PCDHA4: variants seen among roughly 807,000 people sequenced by gnomAD.
PCDHA4 encodes protocadherin alpha 4.
A neutral mutation model predicts 61.4 loss-of-function variants in PCDHA4; 49 were observed. The ratio of observed to expected loss-of-function variants is 0.80; its 90% confidence interval spans 0.63 to 1.01. The LOEUF (loss-of-function observed/expected upper bound fraction) is 1.01, where lower values mean the gene tolerates loss of function less well. Ranked by LOEUF, PCDHA4 falls within the 50% of genes least tolerant of loss-of-function variation. The probability of loss-of-function intolerance (pLI) is 0.00; values close to 1 mark genes in which losing one functional copy is unlikely to be tolerated. For missense variants in PCDHA4, 1,254 were observed against 1,235.8 expected (o/e 1.01, Z -0.22); for synonymous variants, 590 against 550.3 (o/e 1.07, Z -1.01).
chr5:140,840,076 AG>A (rs1237018170), intron 1 of PCDHA4, among the ~76,000 whole-genome samples: 2 of 152,044 alleles, frequency 1.3e-5, no homozygotes, highest in Non-Finnish European at 2.9e-5. Context: ...GTCAATAGAA[AG>A]ATAAACTTGT....
At chr5:140,831,563 A>G (rs2150196275) in intron 1 of PCDHA4, among the ~76,000 whole-genome samples, 6 of 126,944 alleles carry the variant, frequency 4.7e-5, no homozygotes, top group Admixed American at 4.6e-4. Context: ...GGGTTTCTCC[A>G]TGTTGCCCAG....
Position 140,850,429 on chromosome 5 carries a change from A to T in PCDHA4, c.2385+40857A>T. The T allele has an allele frequency of 1.3e-6, 2 of 1,597,934 alleles. 1 individual carries two copies. Among genetic ancestry groups the T allele is most frequent in the Middle Eastern group, 3.3e-4 (2 of 5,994 alleles). ...CTGGACGAAACGGACGCACCGCGCC[A>T]GCGCCTACTGGTGCTGGTGAAAGAC... On this transcript the variant is annotated intron_variant, in intron 1 of 3. Coordinates refer to ENST00000530339, the MANE Select transcript of PCDHA4 (RefSeq NM_018907.4).
chr5:140,869,570 G>A, intron 1 of PCDHA4: 1 of 1,614,148 alleles, frequency 6.2e-7, no homozygotes. Flanking sequence ...CCACTAGAGG[G>A]AGCTTCTGAT....
intron 1 of PCDHA4, among the ~76,000 whole-genome samples, chr5:140,973,570 T>C (rs1211629419): frequency 6.6e-6 from 1 of 152,232 alleles, no homozygotes; most frequent in Non-Finnish European, 1.5e-5. Flanking sequence ...CCTCAATTTT[T>C]CTACAGACTG....
intron 1 of PCDHA4, chr5:140,877,218 G>T: frequency 1.2e-6 from 2 of 1,613,726 alleles, no homozygotes; most frequent in South Asian, 1.1e-5. Context: ...AGTTGGTACC[G>T]CGGTCGGTGG....
intron 1 of PCDHA4, chr5:140,967,690 C>G (rs782694266): frequency 6.2e-7 from 1 of 1,614,190 alleles, no homozygotes; most frequent in Non-Finnish European, 8.5e-7. Flanking sequence ...GGCAGCTCTT[C>G]AGCATAGATG....
chr5:140,952,327 A>G (rs1407008388), intron 1 of PCDHA4, among the ~76,000 whole-genome samples: 2 of 134,678 alleles, frequency 1.5e-5, no homozygotes, highest in Non-Finnish European at 1.6e-5. Flanking sequence ...AACAAGAGTG[A>G]AACTCCATCT....
At chr5:140,963,220 G>A (rs2095749091) in intron 1 of PCDHA4, among the ~76,000 whole-genome samples, 2 of 152,122 alleles carry the variant, frequency 1.3e-5, no homozygotes, top group East Asian at 1.9e-4. Flanking sequence ...CGTGTTTAGA[G>A]TAGACACTGT....
intron 1 of PCDHA4, among the ~76,000 whole-genome samples, chr5:140,839,079 C>T (rs1224426346): frequency 1.3e-5 from 2 of 151,864 alleles, no homozygotes; most frequent in African/African-American, 2.4e-5. Context: ...AGTCAAAAAC[C>T]TGTCTGATAA....
At position 140,807,548 on chromosome 5, in the gene PCDHA4, G is replaced by C; in HGVS notation, c.361G>C (p.Val121Leu). The C allele has an allele frequency of 1.2e-6, 2 of 1,614,176 alleles. No homozygotes were observed. The highest frequency in any genetic ancestry group is 1.3e-5 in the African/African-American group (1 of 75,050). ...GCCGCTGCAGGTTTTCCATGTGGAC[G>C]TGGAGGTGAGGGACATTAACGATAA... ...DRPLQVFHVD[V>L]EVRDINDNPP... Residue 121 changes from valine (V) to leucine (L), a missense_variant, in exon 1 of 4, where the codon GTG becomes CTG. Transcript: ENST00000530339.
intron 1 of PCDHA4, chr5:140,876,989 G>T (rs781957201): frequency 1.2e-6 from 2 of 1,612,664 alleles, no homozygotes; most frequent in South Asian, 1.1e-5. Context: ...GCACTGTCGA[G>T]CTACGTGTCG....
rs528840085 is a variant in PCDHA4 at position 140,876,225 on chromosome 5, GT to G, written c.2385+66654del. 8.8e-5 allele frequency: 142 copies of G among 1,613,982 alleles called. No homozygotes were observed. The African/African-American group carries it at 1.7e-3, about 20-fold the overall frequency. The stretch of plus-strand genomic sequence containing the variant: ...ATAAGCCCAGCTATAAAGTAGTGTT[GT>G]CTGAAAATGTCCAAAACGACACAAG... On this transcript the variant is annotated intron_variant, in intron 1 of 3. Coordinates refer to ENST00000530339, the MANE Select transcript of PCDHA4 (RefSeq NM_018907.4).
At chr5:140,887,157 C>T (rs1200573671) in intron 1 of PCDHA4, among the ~76,000 whole-genome samples, 4 of 151,110 alleles carry the variant, frequency 2.6e-5, no homozygotes, top group African/African-American at 9.7e-5. Flanking sequence ...AGTACAGTGG[C>T]GTGATCTCGG....
intron 1 of PCDHA4, chr5:140,828,238 G>C (rs2150152865): frequency 6.2e-7 from 1 of 1,613,936 alleles, no homozygotes; most frequent in African/African-American, 1.3e-5. Flanking sequence ...GCCGGATCGC[G>C]CAGGACCTGG....
chr5:140,821,540 C>T (rs1554128115), intron 1 of PCDHA4: 7 of 480,180 alleles, frequency 1.5e-5, no homozygotes, highest in South Asian at 4.2e-5. Flanking sequence ...AACACTTACC[C>T]TTTCATCCAC....
intron 1 of PCDHA4, chr5:140,871,488 C>T (rs370808040): frequency 3.4e-5 from 54 of 1,591,050 alleles, no homozygotes; most frequent in Non-Finnish European, 4.5e-5. Flanking sequence ...CAAATCACCC[C>T]GGACAGGTGA....
intron 1 of PCDHA4, chr5:140,866,169 T>C (rs914189373): frequency 2.0e-5 from 3 of 152,132 alleles, no homozygotes; most frequent in African/African-American, 4.8e-5. Context: ...TCGTTTAACA[T>C]GTAAGAAAAG....
rs1562213724 is a variant in PCDHA4, at chr5:140,807,997, C to A, written c.810C>A (p.Asp270Glu). 4 of 1,613,450 alleles carry A rather than the reference C, an allele frequency of 2.5e-6. No individual in the cohort carries two copies. The highest frequency in any genetic ancestry group is 1.7e-4 in the Middle Eastern group (1 of 6,060). Residue 270 changes from aspartate (D) to glutamate (E), a missense_variant, in exon 1 of 4, where the codon GAC becomes GAA. Coordinates refer to ENST00000530339, the MANE Select transcript of PCDHA4 (RefSeq NM_018907.4). ...LVIKLNASDL[D>E]EGLNGDIVYS... The stretch of plus-strand genomic sequence containing the variant: ...TTAAACTTAACGCCTCAGATTTAGA[C>A]GAAGGATTGAATGGGGACATTGTTT...
intron 1 of PCDHA4, among the ~76,000 whole-genome samples, chr5:140,941,026 C>T (rs1330663914): frequency 6.6e-6 from 1 of 152,066 alleles, no homozygotes; most frequent in Admixed American, 6.5e-5. Flanking sequence ...TTCCTTCTGG[C>T]CTTTTTGGTG....
Sources: gnomAD v4.1 joint callset for allele counts (sites outside exome capture counted in the v4.1 genomes callset) on GRCh38, gnomAD v4.1.1 for gene constraint, MANE v1.5 for transcripts, NCBI Gene and HGNC (gene_info 2026-07-23, HGNC 2026-07-21) for gene names.